The following TRABD2B variants were observed in gnomAD, a reference collection of about 807,000 sequenced individuals.
TRABD2B encodes metalloprotease TIKI2.
TRABD2B carries 14 observed loss-of-function variants against 40.1 expected under a neutral mutation model. That is an observed-to-expected ratio of 0.35 (90% CI 0.23 to 0.55). The LOEUF is 0.55. Among genes scored for constraint, TRABD2B ranks in the 20% least tolerant of loss-of-function variants. The pLI is 0.90. For missense variants in TRABD2B, 541 were observed against 648.6 expected, an observed-to-expected ratio of 0.83 and a Z score of 1.80; for synonymous variants, 263 against 277.0, an observed-to-expected ratio of 0.95 and a Z score of 0.50.
chr1:47,818,482 T>C (rs1645064991), intron 2 of TRABD2B: 1 of 152,288 alleles, frequency 6.6e-6, no homozygotes. Context: ...CGGACTTCAA[T>C]ATCTTCCCTG....
intron 2 of TRABD2B, among the ~76,000 whole-genome samples, chr1:47,881,293 CCT>C (rs1411694185): frequency 1.3e-5 from 2 of 152,052 alleles, no homozygotes; most frequent in Non-Finnish European, 2.9e-5. Flanking sequence ...TCTGTGTGCC[CCT>C]GTGTCACTTG....
intron 3 of TRABD2B, among the ~76,000 whole-genome samples, 163 bp from the exon 4 acceptor site, chr1:47,794,923 C>T (rs1644728241): frequency 6.6e-6 from 1 of 151,934 alleles, no homozygotes; most frequent in South Asian, 2.1e-4. Context: ...TATGAACCAC[C>T]ATGACTAGCT....
chr1:47,988,824 G>A (rs564352907), intron 2 of TRABD2B, among the ~76,000 whole-genome samples: 1 of 152,182 alleles, frequency 6.6e-6, no homozygotes, highest in Non-Finnish European at 1.5e-5. Flanking sequence ...GAAAAGGGCT[G>A]GCCCAAAGTC....
At chr1:47,779,552 C>A (rs993046368) in intron 4 of TRABD2B, among the ~76,000 whole-genome samples, 2 of 152,176 alleles carry the variant, frequency 1.3e-5, no homozygotes, top group Admixed American at 1.3e-4. Flanking sequence ...CTCAGGGGAG[C>A]CTCTCCTGGG....
chr1:47,869,606 T>C (rs370483733), intron 2 of TRABD2B, among the ~76,000 whole-genome samples: 13 of 152,044 alleles, frequency 8.6e-5, no homozygotes, highest in East Asian at 7.7e-4. Context: ...GGCTGTGGAG[T>C]TGACCAGTTC....
intron 2 of TRABD2B, among the ~76,000 whole-genome samples, chr1:47,812,285 C>T (rs190027368): frequency 3.9e-4 from 60 of 152,312 alleles, no homozygotes; most frequent in African/African-American, 1.2e-3. Context: ...GAGGAGATGA[C>T]GGAAGGCACG....
intron 6 of TRABD2B, among the ~76,000 whole-genome samples, chr1:47,766,408 G>T (rs537930970): frequency 6.6e-6 from 1 of 152,132 alleles, no homozygotes; most frequent in Non-Finnish European, 1.5e-5. Flanking sequence ...CAGGCAGAAA[G>T]AATAGTGTTT....
chr1:47,814,119 A>G (rs902663156), intron 2 of TRABD2B, among the ~76,000 whole-genome samples: 1 of 152,392 alleles, frequency 6.6e-6, no homozygotes, highest in East Asian at 1.9e-4. Flanking sequence ...GGGAAAGAAA[A>G]GGAATTCCAG....
intron 4 of TRABD2B, among the ~76,000 whole-genome samples, chr1:47,783,108 G>C (rs1236495884): frequency 6.6e-6 from 1 of 152,118 alleles, no homozygotes; most frequent in African/African-American, 2.4e-5. Flanking sequence ...GAGAGGTAGG[G>C]AGAAGAGCAG....
chr1:47,895,358 G>C (rs1644503069), intron 2 of TRABD2B, among the ~76,000 whole-genome samples: 1 of 152,254 alleles, frequency 6.6e-6, no homozygotes, highest in Admixed American at 6.5e-5. Flanking sequence ...GCGAGCTGTG[G>C]GTTGCTCTGC....
rs145655882 is a variant in TRABD2B at position 47,965,371 on chromosome 1, T to G, written c.666+28663A>C. On this transcript the variant is annotated intron_variant, in intron 2 of 6. Transcript: ENST00000606738. ...AAAGTTACAGATCTGGACTTGAAAT[T>G]AAGCATCTCCTTCCCTGCAAAAAAA... 4.2e-4 allele frequency among the ~76,000 whole-genome samples: 64 copies of G among 151,102 alleles called. 1 individual carries two copies. In the East Asian group the frequency reaches 0.012, roughly 29 times the overall value.
At chr1:47,880,828 T>C (rs1317273780) in intron 2 of TRABD2B, among the ~76,000 whole-genome samples, 1 of 152,200 alleles carries the variant, frequency 6.6e-6, no homozygotes, top group Non-Finnish European at 1.5e-5. Context: ...TTCTCAGTAA[T>C]AAAGGTTATG....
intron 2 of TRABD2B, among the ~76,000 whole-genome samples, chr1:47,956,985 C>T (rs1463230984): frequency 2.6e-5 from 4 of 152,200 alleles, no homozygotes; most frequent in Non-Finnish European, 4.4e-5. Context: ...CTCATACAAC[C>T]GGGTGCCCCT....
chr1:47,858,421 C>T (rs1169287900), intron 2 of TRABD2B, among the ~76,000 whole-genome samples: 1 of 151,956 alleles, frequency 6.6e-6, no homozygotes, highest in South Asian at 2.1e-4. Context: ...CCATGACTGG[C>T]TAATTTTAAA....
At chr1:47,843,244 T>A (rs1050848241) in intron 2 of TRABD2B, among the ~76,000 whole-genome samples, 1 of 152,076 alleles carries the variant, frequency 6.6e-6, no homozygotes, top group African/African-American at 2.4e-5. Context: ...TGTTAAAGGC[T>A]CCCTCTGCCT....
At chr1:47,887,754 T>A (rs2124641524) in intron 2 of TRABD2B, among the ~76,000 whole-genome samples, 1 of 152,158 alleles carries the variant, frequency 6.6e-6, no homozygotes, top group Admixed American at 6.5e-5. Flanking sequence ...AGGGTGTAAA[T>A]CAGGAGAGGA....
chr1:47,776,796 G>A lies in TRABD2B; in HGVS notation c.1080-1357C>T, dbSNP rs538952532. On this transcript the variant is annotated intron_variant, in intron 5 of 6. Transcript: ENST00000606738. ...TGGGTGAGGAGCTTCTCTCTTTGAA[G>A]GAAAGAAGGCCATCAGCTCAGCCTC... is the stretch of plus-strand genomic sequence containing the variant. Among the ~76,000 whole-genome samples the A allele has an allele frequency of 2.6e-5, 4 of 152,288 alleles. No homozygotes were observed. In the South Asian group the frequency reaches 8.3e-4, roughly 32 times the overall value.
intron 2 of TRABD2B, among the ~76,000 whole-genome samples, chr1:47,956,917 TCC>T (rs1645431890): frequency 1.3e-5 from 2 of 152,204 alleles, no homozygotes; most frequent in Non-Finnish European, 2.9e-5. Flanking sequence ...CTCAAGTGGG[TCC>T]CTGACCCATG....
At chr1:47,769,827 G>T (rs1038246486) in intron 6 of TRABD2B, among the ~76,000 whole-genome samples, 2 of 152,210 alleles carry the variant, frequency 1.3e-5, no homozygotes, top group African/African-American at 2.4e-5. Context: ...GGCTTGCTGT[G>T]TGACTTTGGC....
Sources: gnomAD v4.1 joint callset for allele counts (sites outside exome capture counted in the v4.1 genomes callset) on GRCh38, gnomAD v4.1.1 for gene constraint, MANE v1.5 for transcripts, NCBI Gene and HGNC (gene_info 2026-07-23, HGNC 2026-07-21) for gene names.